POT1: variants seen among roughly 807,000 people sequenced by gnomAD.
POT1 encodes protection of telomeres protein 1.
A neutral mutation model predicts 78.5 loss-of-function variants in POT1; 47 were observed. The ratio of observed to expected loss-of-function variants is 0.60; its 90% confidence interval spans 0.47 to 0.76. The LOEUF (loss-of-function observed/expected upper bound fraction) is 0.76, where lower values mean the gene tolerates loss of function less well. Ranked by LOEUF, POT1 falls within the 30% of genes least tolerant of loss-of-function variation. The probability of loss-of-function intolerance (pLI) is 0.00; values close to 1 mark genes in which losing one functional copy is unlikely to be tolerated. For missense variants in POT1, 646 were observed against 749.9 expected (o/e 0.86, Z 1.62); for synonymous variants, 259 against 260.7 (o/e 0.99, Z 0.06).
chr7:124,849,632 TGGA>T (rs915577895), intron 11 of POT1, among the ~76,000 whole-genome samples: 2 of 152,160 alleles, frequency 1.3e-5, no homozygotes, highest in Non-Finnish European at 2.9e-5. Flanking sequence ...TAGTTTATTG[TGGA>T]GAAGTAAAAA....
chr7:124,830,253 T>A (rs1794727532), intron 15 of POT1, among the ~76,000 whole-genome samples: 1 of 152,166 alleles, frequency 6.6e-6, no homozygotes, highest in African/African-American at 2.4e-5. Flanking sequence ...CAACATATTT[T>A]AACTATGAGT....
At chr7:124,859,399 T>A (rs1185745314) in intron 8 of POT1, among the ~76,000 whole-genome samples, 3 of 152,018 alleles carry the variant, frequency 2.0e-5, no homozygotes, top group African/African-American at 7.2e-5. Context: ...ACCAAAATGA[T>A]CTTGAAAAAC....
intron 14 of POT1, among the ~76,000 whole-genome samples, chr7:124,839,870 A>G (rs1044092481): frequency 1.3e-5 from 2 of 152,050 alleles, no homozygotes; most frequent in Non-Finnish European, 2.9e-5. Flanking sequence ...AGTTTACATT[A>G]GTAACAAACC....
chr7:124,861,078 T>C (rs1040749214), intron 8 of POT1, among the ~76,000 whole-genome samples: 7 of 152,204 alleles, frequency 4.6e-5, no homozygotes, highest in Admixed American at 4.6e-4. Flanking sequence ...CGTGTGCATG[T>C]GTCTTTATAG....
chr7:124,929,087 T>C (rs922846652), intron 1 of POT1, 88 bp from the exon 2 acceptor site: 3 of 152,394 alleles, frequency 2.0e-5, no homozygotes, highest in Non-Finnish European at 2.9e-5. Flanking sequence ...TTCCTTATTA[T>C]AGTTAACACG....
intron 3 of POT1, among the ~76,000 whole-genome samples, chr7:124,914,361 C>T (rs1021867285): frequency 6.6e-6 from 1 of 152,042 alleles, no homozygotes; most frequent in Non-Finnish European, 1.5e-5. Context: ...TTGGTCTTTA[C>T]ATTTCTGCAG....
chr7:124,907,582 T>C (rs764422160), intron 3 of POT1, among the ~76,000 whole-genome samples: 3 of 152,110 alleles, frequency 2.0e-5, no homozygotes, highest in Non-Finnish European at 4.4e-5. Flanking sequence ...ACTATAATGA[T>C]AGATATATGT....
chr7:124,891,881 A>G (rs1226616456), intron 6 of POT1, among the ~76,000 whole-genome samples: 2 of 151,694 alleles, frequency 1.3e-5, no homozygotes, highest in Non-Finnish European at 3.0e-5. Context: ...ATATTTCTAT[A>G]GTTATAGCTT....
At position 124,823,769 on chromosome 7, in the gene POT1, CAA is replaced by C; in HGVS notation, c.*191_*192del. 1.9e-6 allele frequency: 1 copy of C among 532,612 alleles called. No individual in the cohort carries two copies. Among genetic ancestry groups the C allele is most frequent in the South Asian group, 2.5e-5 (1 of 39,774 alleles). 33.0% of individuals were successfully genotyped at this position (532,612 alleles called of 1,614,324 possible). On this transcript the variant is annotated 3_prime_UTR_variant, in exon 19 of 19. Coordinates refer to ENST00000357628, the MANE Select transcript of POT1 (RefSeq NM_015450.3). ...CTTTGTACAAAAGCAAAACAGAAAG[CAA>C]AACAAAATCCATAGCCATTATTTAC...
At chr7:124,907,216 C>T (rs1796786131) in intron 3 of POT1, among the ~76,000 whole-genome samples, 2 of 152,100 alleles carry the variant, frequency 1.3e-5, no homozygotes, top group Non-Finnish European at 2.9e-5. Flanking sequence ...TCAATATTAG[C>T]AAATGGGTCA....
intron 14 of POT1, among the ~76,000 whole-genome samples, chr7:124,836,470 A>C (rs1241757635): frequency 6.6e-6 from 1 of 152,226 alleles, no homozygotes; most frequent in Non-Finnish European, 1.5e-5. Context: ...TCACAGCCCA[A>C]AAGTTAGTCT....
At chr7:124,907,302 C>T (rs556224384) in intron 3 of POT1, among the ~76,000 whole-genome samples, 3 of 152,230 alleles carry the variant, frequency 2.0e-5, no homozygotes, top group African/African-American at 7.2e-5. Context: ...TGTCATTAAA[C>T]AATTCCCTGT....
intron 6 of POT1, among the ~76,000 whole-genome samples, chr7:124,877,021 T>C (rs1214818295): frequency 6.6e-6 from 1 of 152,178 alleles, no homozygotes; most frequent in Non-Finnish European, 1.5e-5. Flanking sequence ...GAAGATGCAG[T>C]CTTCCAATTA....
chr7:124,856,309 A>C (rs1445682181), intron 9 of POT1, among the ~76,000 whole-genome samples: 5 of 152,210 alleles, frequency 3.3e-5, no homozygotes, highest in African/African-American at 1.2e-4. Context: ...TCAGAAAACA[A>C]ATAAATGTGA....
intron 12 of POT1, among the ~76,000 whole-genome samples, chr7:124,843,438 C>T (rs1795079981): frequency 6.6e-6 from 1 of 151,860 alleles, no homozygotes; most frequent in Admixed American, 6.6e-5. Flanking sequence ...TAGGAAGGGA[C>T]ATTAAGGGTG....
At chr7:124,923,712 C>G (rs767021905) in intron 2 of POT1, among the ~76,000 whole-genome samples, 12 of 151,054 alleles carry the variant, frequency 7.9e-5, no homozygotes, top group Non-Finnish European at 1.5e-4. Flanking sequence ...AAAAGGACTT[C>G]ATCATACACA....
intron 9 of POT1, among the ~76,000 whole-genome samples, chr7:124,854,812 T>C (rs61126904): frequency 0.045 from 6,884 of 152,016 alleles, 392 homozygotes; most frequent in African/African-American, 0.13. Flanking sequence ...TTTCTAGTTT[T>C]ATCTCATTCT....
At chr7:124,896,094 G>C (rs1311860071) in intron 5 of POT1, among the ~76,000 whole-genome samples, 1 of 149,468 alleles carries the variant, frequency 6.7e-6, no homozygotes, top group Non-Finnish European at 1.5e-5. Context: ...ACTTTTTCAG[G>C]AAAACAAGAA....
chr7:124,863,315 C>T, intron 8 of POT1, 35 bp downstream of exon 8: 3 of 1,572,906 alleles, frequency 1.9e-6, no homozygotes, highest in Admixed American at 1.8e-5. Flanking sequence ...GTAAGTGGTG[C>T]TAACTTATAA....
Sources: allele counts gnomAD v4.1 joint callset (sites outside exome capture counted in the v4.1 genomes callset), GRCh38; gene constraint gnomAD v4.1.1; transcripts MANE v1.5; gene names NCBI Gene and HGNC (gene_info 2026-07-23, HGNC 2026-07-21).